The following CDK14 variants were observed in gnomAD, a reference collection of about 807,000 sequenced individuals.
CDK14 encodes the protein cyclin-dependent kinase 14.
In CDK14, 34 loss-of-function variants were observed where a neutral mutation model predicts 60.7. That is an observed-to-expected ratio of 0.56 (90% CI 0.43 to 0.75). The LOEUF is 0.75. CDK14 is among the 30% of genes least tolerant of loss of function. CDK14 has a pLI of 0.00. For missense variants in CDK14, 482 were observed against 564.1 expected (o/e 0.85, Z 1.47); for synonymous variants, 197 against 203.7 (o/e 0.97, Z 0.28).
chr7:90,816,501 TTTAA>T (rs1789364849), intron 5 of CDK14, among the ~76,000 whole-genome samples: 1 of 152,206 alleles, frequency 6.6e-6, no homozygotes, highest in Admixed American at 6.5e-5. Flanking sequence ...TTGGCATGAA[TTTAA>T]TTATTGACAC....
chr7:90,604,673 C>T (rs139039233), intron 2 of CDK14, among the ~76,000 whole-genome samples: 1 of 152,286 alleles, frequency 6.6e-6, no homozygotes, highest in African/African-American at 2.4e-5. Context: ...CTGTCAGTCT[C>T]CCAAGGGAGG....
intron 8 of CDK14, among the ~76,000 whole-genome samples, chr7:90,936,354 A>C (rs1461451814): frequency 6.6e-6 from 1 of 152,250 alleles, no homozygotes; most frequent in African/African-American, 2.4e-5. Flanking sequence ...ATGTTTTTCC[A>C]TGAAATGGTC....
rs1469944749 is a variant in CDK14 at position 90,744,776 on chromosome 7, C to T, written c.370-2905C>T. ...CTGGCCGGGCAGGGGGCTGACCCCCCCACCTCCCTGCCGGACGGGGCGGCT... is the reference window on the plus strand; with the variant it reads ...CTGGCCGGGCAGGGGGCTGACCCCCTCACCTCCCTGCCGGACGGGGCGGCT... On this transcript the variant is annotated intron_variant, in intron 3 of 14. Coordinates refer to ENST00000380050, the MANE Select transcript of CDK14 (RefSeq NM_001287135.2). 1.3e-3 allele frequency among the ~76,000 whole-genome samples: 187 copies of T among 139,272 alleles called. 4 individuals are homozygous for T. The highest frequency in any genetic ancestry group is 2.4e-3 in the Admixed American group (35 of 14,294). The allele number at this position is 139,272 out of a possible 152,430, so 91.4% of individuals were successfully genotyped here.
intron 14 of CDK14, among the ~76,000 whole-genome samples, chr7:91,171,099 C>G (rs1488980253): frequency 2.0e-5 from 3 of 152,114 alleles, no homozygotes; most frequent in African/African-American, 7.2e-5. Context: ...CCTGTAATCC[C>G]AGCACTGTGG....
At chr7:91,100,943 GGC>G (rs1799132202) in intron 12 of CDK14, among the ~76,000 whole-genome samples, 1 of 152,140 alleles carries the variant, frequency 6.6e-6, no homozygotes, top group Non-Finnish European at 1.5e-5. Context: ...TGACTGCAAG[GGC>G]AGCTGTGTAT....
chr7:90,710,205 G>A, intron 2 of CDK14: 27 of 985,278 alleles, frequency 2.7e-5, no homozygotes, highest in Non-Finnish European at 3.3e-5. Flanking sequence ...CTTGTAGTTT[G>A]TAAACACCAG....
intron 11 of CDK14, among the ~76,000 whole-genome samples, chr7:91,060,098 G>A (rs994761444): frequency 6.6e-6 from 1 of 152,136 alleles, no homozygotes. Context: ...CTTATTGGGT[G>A]CATATATATT....
At chr7:90,894,753 T>C (rs1040346009) in intron 6 of CDK14, among the ~76,000 whole-genome samples, 8 of 152,216 alleles carry the variant, frequency 5.3e-5, no homozygotes, top group Non-Finnish European at 1.5e-5. Context: ...TATAAATACA[T>C]GCCATATATA....
chr7:91,037,432 T>G (rs902715531), intron 10 of CDK14, among the ~76,000 whole-genome samples: 1 of 152,132 alleles, frequency 6.6e-6, no homozygotes, highest in Non-Finnish European at 1.5e-5. Flanking sequence ...TGCGCGCGCA[T>G]GTGTGTGTTG....
At chr7:90,904,924 G>T (rs571678255) in intron 7 of CDK14, among the ~76,000 whole-genome samples, 1 of 152,286 alleles carries the variant, frequency 6.6e-6, no homozygotes, top group South Asian at 2.1e-4. Context: ...TTTGGACACA[G>T]AAGTATTTTC....
chr7:91,088,587 G>A (rs1180143171), intron 12 of CDK14, among the ~76,000 whole-genome samples: 1 of 151,610 alleles, frequency 6.6e-6, no homozygotes, highest in Non-Finnish European at 1.5e-5. Flanking sequence ...GTGTGTGTGT[G>A]TGTGTGGTTA....
intron 10 of CDK14, among the ~76,000 whole-genome samples, chr7:91,010,730 T>C (rs890481856): frequency 6.6e-6 from 1 of 151,528 alleles, no homozygotes; most frequent in Non-Finnish European, 1.5e-5. Context: ...TTTTTCTCCT[T>C]CTTTTCCTTC....
At chr7:90,764,669 T>TA (rs1332111446) in intron 4 of CDK14, among the ~76,000 whole-genome samples, 1 of 152,222 alleles carries the variant, frequency 6.6e-6, no homozygotes, top group Non-Finnish European at 1.5e-5. Flanking sequence ...GACTTTTTTT[T>TA]ATGCTTAATG....
chr7:91,072,988 CA>C (rs1480785734), intron 11 of CDK14, among the ~76,000 whole-genome samples: 1 of 151,942 alleles, frequency 6.6e-6, no homozygotes, highest in Non-Finnish European at 1.5e-5. Flanking sequence ...TGAAAAAGAA[CA>C]AACAAAACTT....
intron 5 of CDK14, among the ~76,000 whole-genome samples, chr7:90,797,283 T>A (rs1788474358): frequency 6.6e-6 from 1 of 151,788 alleles, no homozygotes; most frequent in East Asian, 2.0e-4. Context: ...CTCCTTAACT[T>A]GTAGATAGTG....
At chr7:91,077,743 T>TAC (rs36101608) in intron 11 of CDK14, among the ~76,000 whole-genome samples, 4,979 of 148,676 alleles carry the variant, frequency 0.033, 145 homozygotes, top group African/African-American at 0.081. Context: ...TTCACTTTTA[T>TAC]ACACACACAC....
intron 8 of CDK14, among the ~76,000 whole-genome samples, chr7:90,949,054 G>GA (rs1422261911): frequency 2.0e-5 from 3 of 151,924 alleles, no homozygotes; most frequent in African/African-American, 4.8e-5. Context: ...AGAAAAAACA[G>GA]AAAAAAATGT....
intron 12 of CDK14, among the ~76,000 whole-genome samples, chr7:91,084,667 G>T (rs1181650961): frequency 6.6e-6 from 1 of 152,138 alleles, no homozygotes; most frequent in Non-Finnish European, 1.5e-5. Context: ...CCAAGGGCAG[G>T]CCCCATGCTA....
At chr7:91,062,026 C>T (rs1260432246) in intron 11 of CDK14, among the ~76,000 whole-genome samples, 1 of 152,202 alleles carries the variant, frequency 6.6e-6, no homozygotes, top group Non-Finnish European at 1.5e-5. Flanking sequence ...GGCAGGCCTC[C>T]TTGAGCTGCG....
Sources: gnomAD v4.1 joint callset for allele counts (sites outside exome capture counted in the v4.1 genomes callset) on GRCh38, gnomAD v4.1.1 for gene constraint, MANE v1.5 for transcripts, NCBI Gene and HGNC (gene_info 2026-07-23, HGNC 2026-07-21) for gene names.